The following MAPT variants were observed in gnomAD, a reference collection of about 807,000 sequenced individuals.
The protein encoded by MAPT is microtubule associated protein tau.
Under a neutral mutation model 67.9 loss-of-function variants are expected in MAPT, and 34 were observed. The observed-to-expected ratio is 0.50, with a 90% CI of 0.38 to 0.67. The LOEUF (loss-of-function observed/expected upper bound fraction) is 0.67, where lower values mean the gene tolerates loss of function less well. Among genes scored for constraint, MAPT ranks in the 30% least tolerant of loss-of-function variants. The pLI, the probability that MAPT is intolerant of heterozygous loss-of-function variation, is 0.00. For missense variants in MAPT, 881 were observed against 1,115.2 expected (o/e 0.79, Z 2.99); for synonymous variants, 456 against 464.5 (o/e 0.98, Z 0.23).
intron 1 of MAPT, among the ~76,000 whole-genome samples, chr17:45,940,265 G>A (rs1012544063): frequency 2.0e-5 from 3 of 152,116 alleles, no homozygotes; most frequent in Admixed American, 2.0e-4. Flanking sequence ...CCTGCCTTTG[G>A]CTTAAACACT....
intron 1 of MAPT, among the ~76,000 whole-genome samples, chr17:45,933,840 A>T (rs1291318189): frequency 8.0e-5 from 11 of 137,784 alleles, no homozygotes; most frequent in Admixed American, 2.2e-4. Context: ...ATGTTTTCTG[A>T]TTTTTTTTTT....
At chr17:45,905,077 G>A (rs1403144584) in intron 1 of MAPT, among the ~76,000 whole-genome samples, 1 of 152,126 alleles carries the variant, frequency 6.6e-6, no homozygotes, top group African/African-American at 2.4e-5. Flanking sequence ...ATTCCACGCT[G>A]GCCCCAATCC....
At chr17:45,998,680 A>G (rs147667965) in intron 9 of MAPT, among the ~76,000 whole-genome samples, 1 of 152,270 alleles carries the variant, frequency 6.6e-6, no homozygotes, top group East Asian at 1.9e-4. Flanking sequence ...ACCTTGGGGA[A>G]ATAACTCACA....
intron 1 of MAPT, among the ~76,000 whole-genome samples, chr17:45,904,314 CATATATA>C (rs2064096349): frequency 3.3e-5 from 1 of 30,662 alleles, no homozygotes; most frequent in South Asian, 1.0e-3. Context: ...TATATAAAAA[CATATATA>C]ATATATATTA....
At chr17:45,941,705 G>GCCTTCCTTCCTGCCTT (rs1568208173) in intron 1 of MAPT, among the ~76,000 whole-genome samples, 7 of 25,574 alleles carry the variant, frequency 2.7e-4, no homozygotes, top group African/African-American at 6.6e-4. Flanking sequence ...CTTCCTGCCT[G>GCCTTCCTTCCTGCCTT]CCTTCCTTCC....
intron 1 of MAPT, among the ~76,000 whole-genome samples, chr17:45,916,185 A>G (rs1212616548): frequency 6.6e-6 from 1 of 152,140 alleles, no homozygotes; most frequent in Non-Finnish European, 1.5e-5. Context: ...GAGAAGCAGC[A>G]AGGCATTCCT....
At chr17:45,922,072 T>C (rs567737424) in intron 1 of MAPT, among the ~76,000 whole-genome samples, 1 of 151,720 alleles carries the variant, frequency 6.6e-6, no homozygotes, top group East Asian at 1.9e-4. Context: ...GAAGCTGGAG[T>C]GCCGTGGAGC....
intron 2 of MAPT, among the ~76,000 whole-genome samples, chr17:45,964,204 TTG>T (rs2070778947): frequency 6.6e-6 from 1 of 152,068 alleles, no homozygotes. Flanking sequence ...TTGTTTTTTT[TTG>T]TTTTGTTTTG....
At chr17:45,939,001 A>T (rs186827849) in intron 1 of MAPT, among the ~76,000 whole-genome samples, 1 of 152,124 alleles carries the variant, frequency 6.6e-6, no homozygotes, top group Admixed American at 6.5e-5. Flanking sequence ...TTTAGTAAAG[A>T]TGGGGTTTCA....
At chr17:46,021,912 C>G (rs978202576) in intron 12 of MAPT, among the ~76,000 whole-genome samples, 2 of 152,176 alleles carry the variant, frequency 1.3e-5, no homozygotes, top group Non-Finnish European at 1.5e-5. Context: ...AGAAAAATTG[C>G]TAACAAGCAG....
chr17:45,979,804 T>G (rs2072761233), intron 4 of MAPT: 1 of 152,158 alleles, frequency 6.6e-6, no homozygotes. Flanking sequence ...TTAGTGCAGG[T>G]GATGTCTACA....
chr17:46,002,956 A>G (rs1488968661), intron 9 of MAPT, among the ~76,000 whole-genome samples: 5 of 151,818 alleles, frequency 3.3e-5, no homozygotes, highest in Non-Finnish European at 2.9e-5. Flanking sequence ...CTAATTTCTT[A>G]TATTTTTTGT....
At chr17:45,929,153 G>A (rs949725615) in intron 1 of MAPT, among the ~76,000 whole-genome samples, 1 of 152,118 alleles carries the variant, frequency 6.6e-6, no homozygotes, top group African/African-American at 2.4e-5. Context: ...AAGATAGGAT[G>A]GTAAGGATAT....
chr17:45,952,432 C>T (rs1037260720), intron 1 of MAPT, among the ~76,000 whole-genome samples: 2 of 152,174 alleles, frequency 1.3e-5, no homozygotes, highest in South Asian at 2.1e-4. Flanking sequence ...TTAGAAGACA[C>T]AGGCTAAAGT....
intron 9 of MAPT, among the ~76,000 whole-genome samples, chr17:46,007,467 A>G (rs929925671): frequency 3.3e-5 from 5 of 152,188 alleles, no homozygotes; most frequent in African/African-American, 9.6e-5. Flanking sequence ...AGCCTGGGTG[A>G]CAGAGTGAGA....
intron 1 of MAPT, among the ~76,000 whole-genome samples, chr17:45,920,631 C>G (rs1388105908): frequency 1.3e-5 from 2 of 152,210 alleles, no homozygotes; most frequent in Admixed American, 1.3e-4. Context: ...TCTGCGGATG[C>G]CAGACTGGAG....
intron 1 of MAPT, among the ~76,000 whole-genome samples, chr17:45,944,724 A>C (rs1023987526): frequency 1.3e-5 from 2 of 152,180 alleles, no homozygotes; most frequent in Non-Finnish European, 2.9e-5. Flanking sequence ...ATGGAAGAGC[A>C]GGTGCTTCCG....
chr17:45,909,268 C>G (rs751821673), intron 1 of MAPT, among the ~76,000 whole-genome samples: 1 of 152,136 alleles, frequency 6.6e-6, no homozygotes, highest in Non-Finnish European at 1.5e-5. Context: ...GACACCTGGA[C>G]CCCATGTCAC....
rs2065700352 is a variant in MAPT at position 45,921,406 on chromosome 17, A to G, written c.-18+26720A>G. ...CTTAGCATTCCCCACGCACATTAGC[A>G]GCTCGGAGAGCTCAGGAAGCCGCAG... On this transcript the variant is annotated intron_variant, in intron 1 of 12. Coordinates refer to ENST00000262410, the MANE Select transcript of MAPT (RefSeq NM_001377265.1). 2.0e-5 allele frequency among the ~76,000 whole-genome samples: 3 copies of G among 152,180 alleles called. No individual in the cohort carries two copies. The South Asian group carries it at 6.2e-4, about 32-fold the overall frequency.
Sources: allele counts gnomAD v4.1 joint callset (sites outside exome capture counted in the v4.1 genomes callset), GRCh38; gene constraint gnomAD v4.1.1; transcripts MANE v1.5; gene names NCBI Gene and HGNC (gene_info 2026-07-23, HGNC 2026-07-21).